ATM: variants seen among roughly 807,000 people sequenced by gnomAD.
ATM encodes ATM serine/threonine kinase, also known as serine-protein kinase ATM.
ATM carries 308 observed loss-of-function variants against 387.0 expected under a neutral mutation model. The ratio of observed to expected loss-of-function variants is 0.80; its 90% CI spans 0.73 to 0.87. ATM has a LOEUF of 0.87. Ranked by LOEUF, ATM falls within the 40% of genes least tolerant of loss-of-function variation. The pLI, the probability that ATM is intolerant of heterozygous loss-of-function variation, is 0.00. For synonymous variants in ATM, 1,156 were observed against 1,187.3 expected (o/e 0.97, Z 0.54); for missense variants, 3,312 against 3,560.9 (o/e 0.93, Z 1.78).
chr11:108,243,135 C>G (rs1223769402), intron 5 of ATM, among the ~76,000 whole-genome samples: 1 of 151,628 alleles, frequency 6.6e-6, no homozygotes, highest in East Asian at 1.9e-4. Flanking sequence ...GGAGGATTAC[C>G]TGAGTCTGCT....
At chr11:108,248,372 T>C (rs1016203368) in intron 8 of ATM, among the ~76,000 whole-genome samples, 4 of 152,224 alleles carry the variant, frequency 2.6e-5, no homozygotes, top group Non-Finnish European at 5.9e-5. Flanking sequence ...GATTTCTTAG[T>C]GCTTTTAGTA....
In ATM at chr11:108,320,073, CAA is replaced by C; in HGVS notation, c.6452+17_6452+18del. ...AAATATGCCAGGTATTATGAAAAGA[CAA>C]AGTTACTGTATTTTAACATTTAATG... On this transcript the variant is annotated intron_variant, in intron 44 of 62. Coordinates refer to ENST00000675843, the MANE Select transcript of ATM (RefSeq NM_000051.4). The C allele has an allele frequency of 6.5e-7, 1 of 1,531,014 alleles. No individual in the cohort carries two copies. The highest frequency in any genetic ancestry group is 9.1e-7 in the Non-Finnish European group (1 of 1,104,892). The allele number at this position is 1,531,014 out of a possible 1,614,324, so 94.8% of individuals were successfully genotyped here.
chr11:108,241,472 C>T (rs1446553475), intron 5 of ATM, among the ~76,000 whole-genome samples: 5 of 152,034 alleles, frequency 3.3e-5, no homozygotes, highest in Admixed American at 1.3e-4. Flanking sequence ...TTTTTTTACA[C>T]AAGTATCACC....
At chr11:108,344,718 T>TG (rs2088075997) in intron 57 of ATM, among the ~76,000 whole-genome samples, 3 of 151,980 alleles carry the variant, frequency 2.0e-5, no homozygotes, top group East Asian at 3.9e-4. Context: ...AAAATAAGGT[T>TG]GGGGGGCGGG....
intron 25 of ATM, among the ~76,000 whole-genome samples, chr11:108,283,293 A>G (rs1266079934): frequency 6.6e-6 from 1 of 152,218 alleles, no homozygotes; most frequent in East Asian, 1.9e-4. Flanking sequence ...TTGCTTGACT[A>G]TAGGCCTCTT....
At chr11:108,325,684 A>C (rs980658452) in intron 46 of ATM, 140 bp downstream of exon 46, 14 of 821,806 alleles carry the variant, frequency 1.7e-5, no homozygotes, top group Non-Finnish European at 2.4e-5. Flanking sequence ...ATTGTTTAAG[A>C]GTTCCCATTT....
At chr11:108,351,391 G>A (rs1034460036) in intron 59 of ATM, among the ~76,000 whole-genome samples, 11 of 152,108 alleles carry the variant, frequency 7.2e-5, no homozygotes, top group Non-Finnish European at 1.2e-4. Flanking sequence ...ATGTCTGTTT[G>A]GTTACCTGTT....
chr11:108,362,593 T>A (rs1026780030), intron 61 of ATM, among the ~76,000 whole-genome samples: 2 of 149,656 alleles, frequency 1.3e-5, no homozygotes, highest in African/African-American at 2.5e-5. Flanking sequence ...ATGTAGCACA[T>A]ATACACCATG....
intron 8 of ATM, 127 bp downstream of exon 8, chr11:108,247,254 A>G (rs935865619): frequency 1.7e-5 from 14 of 806,666 alleles, no homozygotes; most frequent in East Asian, 1.1e-4. Context: ...ACATGCAACT[A>G]TTCCTTTCAA....
At chr11:108,240,789 T>C (rs2079518698) in intron 5 of ATM, among the ~76,000 whole-genome samples, 1 of 152,200 alleles carries the variant, frequency 6.6e-6, no homozygotes, top group South Asian at 2.1e-4. Context: ...TATATACTAC[T>C]GTAGAATTTG....
At position 108,279,587 on chromosome 11, in the gene ATM, T is replaced by A. The variant is rs1371503633; in HGVS notation, c.3381T>A (p.Ala1127=). The change falls in exon 23 of 63, where the codon GCT becomes GCA. Residue 1127 remains alanine (A), a synonymous_variant. Coordinates refer to ENST00000675843, the MANE Select transcript of ATM (RefSeq NM_000051.4). ...CTTTTGAAAATGCATACTTGAAAGC[T>A]CAGGAAGGAATGAGAGAAATGGTAA... ...QTAFENAYLK[A]QEGMREMSHS... 3 of 1,612,070 alleles carry A rather than the reference T, an allele frequency of 1.9e-6. No homozygotes were observed. In the South Asian group the frequency reaches 3.3e-5, roughly 18 times the overall value.
At chr11:108,342,031 G>A (rs909205369) in intron 56 of ATM, among the ~76,000 whole-genome samples, 2 of 152,142 alleles carry the variant, frequency 1.3e-5, no homozygotes, top group African/African-American at 4.8e-5. Context: ...CTACAGGATG[G>A]CTTTGAGTGC....
At chr11:108,289,164 T>C (rs951076001) in intron 28 of ATM, 61 bp downstream of exon 28, 13 of 1,494,446 alleles carry the variant, frequency 8.7e-6, no homozygotes, top group Middle Eastern at 2.3e-4. Context: ...AAAAAAACTT[T>C]GTAAATACAT....
chr11:108,365,579 C>T lies in ATM; in HGVS notation c.*71C>T. ...ATTTTAGCCTTTATTTTTAACCTGCCAACATACTTTAAGTAGGGATTAATA... is the reference window on the plus strand; with the variant it reads ...ATTTTAGCCTTTATTTTTAACCTGCTAACATACTTTAAGTAGGGATTAATA... On this transcript the variant is annotated 3_prime_UTR_variant, in exon 63 of 63. Coordinates refer to ENST00000675843, the MANE Select transcript of ATM (RefSeq NM_000051.4). The T allele has an allele frequency of 1.3e-6, 2 of 1,515,082 alleles. No individual in the cohort carries two copies. The highest frequency in any genetic ancestry group is 1.7e-4 in the Middle Eastern group (1 of 5,876). 93.9% of individuals were successfully genotyped at this position (1,515,082 alleles called of 1,614,324 possible).
At chr11:108,282,069 G>A (rs1229231586) in intron 24 of ATM, among the ~76,000 whole-genome samples, 1 of 151,852 alleles carries the variant, frequency 6.6e-6, no homozygotes, top group Admixed American at 6.6e-5. Context: ...GGGCTCAAGC[G>A]ATCCTCCCAA....
intron 16 of ATM, 61 bp downstream of exon 16, chr11:108,259,136 G>A (rs2135423361): frequency 7.3e-7 from 1 of 1,369,068 alleles, no homozygotes; most frequent in East Asian, 2.3e-5. Context: ...TTTTTTTGTT[G>A]AAATATCTTT....
At chr11:108,288,186 A>G (rs2082596870) in intron 27 of ATM, among the ~76,000 whole-genome samples, 1 of 150,168 alleles carries the variant, frequency 6.7e-6, no homozygotes, top group South Asian at 2.1e-4. Context: ...CCTTCCTTCC[A>G]CCTCAGCCTC....
chr11:108,310,302 G>T lies in ATM; in HGVS notation c.5905G>T (p.Asp1969Tyr), dbSNP rs1156785681. ...CTATGCAGATAAGAAAAGTATGGAT[G>T]ATCAAGAGAAAAGGTAATGGAATTT... ...EIYADKKSMD[D>Y]QEKRSLAFEE... Residue 1969 changes from aspartate to tyrosine, a missense_variant, in exon 39 of 63, where the codon GAT (aspartate) becomes TAT (tyrosine). Asp to Tyr is a radical substitution (Grantham distance 160, BLOSUM62 -3). Coordinates refer to ENST00000675843, the MANE Select transcript of ATM (RefSeq NM_000051.4). 1 of 1,613,084 alleles carries T rather than the reference G, an allele frequency of 6.2e-7. No individual in the cohort carries two copies. The highest frequency in any genetic ancestry group is 1.7e-5 in the Admixed American group (1 of 59,994).
At chr11:108,317,320 T>A in intron 42 of ATM, 53 bp from the exon 43 acceptor site, 2 of 1,569,304 alleles carry the variant, frequency 1.3e-6, no homozygotes, top group Non-Finnish European at 1.7e-6. Context: ...TTCTCTGGTT[T>A]TCTGTTGATA....
Sources: gnomAD v4.1 joint callset for allele counts (sites outside exome capture counted in the v4.1 genomes callset) on GRCh38, gnomAD v4.1.1 for gene constraint, MANE v1.5 for transcripts, NCBI Gene and HGNC (gene_info 2026-07-23, HGNC 2026-07-21) for gene names.